Variants in CMSS1 observed in about 807,000 individuals in gnomAD.
CMSS1 encodes the protein protein CMSS1.
In CMSS1, 33 loss-of-function variants were observed where a neutral mutation model predicts 43.5. The ratio of observed to expected loss-of-function variants is 0.76; its 90% CI spans 0.57 to 1.01. The LOEUF is 1.01. CMSS1 is among the 50% of genes least tolerant of loss of function. The pLI is 0.00. For synonymous variants in CMSS1, 115 were observed against 117.2 expected, an observed-to-expected ratio of 0.98 and a Z score of 0.12; for missense variants, 313 against 326.4, an observed-to-expected ratio of 0.96 and a Z score of 0.32.
chr3:99,821,995 A>G (rs1942448053), intron 1 of CMSS1, among the ~76,000 whole-genome samples: 2 of 152,124 alleles, frequency 1.3e-5, no homozygotes, highest in Non-Finnish European at 2.9e-5. Flanking sequence ...GCGACGAGCC[A>G]AGATCGCACC....
intron 1 of CMSS1, among the ~76,000 whole-genome samples, chr3:99,875,482 T>C (rs1175240290): frequency 6.6e-6 from 1 of 152,220 alleles, no homozygotes; most frequent in Non-Finnish European, 1.5e-5. Flanking sequence ...CTATGATAGT[T>C]ACTTCCTTGT....
chr3:99,850,649 A>T (rs187751369), intron 1 of CMSS1: 1 of 1,613,814 alleles, frequency 6.2e-7, no homozygotes, highest in Non-Finnish European at 8.5e-7. Context: ...TTTCGTAAAG[A>T]CCTGTTTGTC....
chr3:99,832,633 A>G (rs1942718633), intron 1 of CMSS1, among the ~76,000 whole-genome samples: 1 of 144,748 alleles, frequency 6.9e-6, no homozygotes, highest in Admixed American at 6.8e-5. Context: ...ACTTGAGGTC[A>G]GGAGTTCGAG....
chr3:100,007,985 A>G (rs1710037036), intron 1 of CMSS1, among the ~76,000 whole-genome samples: 1 of 152,152 alleles, frequency 6.6e-6, no homozygotes, highest in Admixed American at 6.5e-5. Flanking sequence ...CTCCCTGGGA[A>G]TTATAGGTTA....
At chr3:100,122,916 T>A (rs1048051744) in intron 1 of CMSS1, among the ~76,000 whole-genome samples, 1 of 152,190 alleles carries the variant, frequency 6.6e-6, no homozygotes, top group Non-Finnish European at 1.5e-5. Context: ...TTACAAAAAA[T>A]TTATTATTTG....
At chr3:99,828,264 G>A (rs1413806490) in intron 1 of CMSS1, among the ~76,000 whole-genome samples, 1 of 151,886 alleles carries the variant, frequency 6.6e-6, no homozygotes, top group African/African-American at 2.4e-5. Flanking sequence ...TCATACCATT[G>A]CTATCTCTTA....
intron 1 of CMSS1, among the ~76,000 whole-genome samples, chr3:99,990,902 T>C (rs1418220499): frequency 6.6e-6 from 1 of 152,046 alleles, no homozygotes; most frequent in African/African-American, 2.4e-5. Flanking sequence ...AGAGAGCAAA[T>C]GAAAAAAGCA....
intron 1 of CMSS1, among the ~76,000 whole-genome samples, chr3:100,133,533 G>A (rs1178157562): frequency 6.6e-6 from 1 of 151,876 alleles, no homozygotes; most frequent in South Asian, 2.1e-4. Flanking sequence ...TGAAGGAAAA[G>A]GGTAAAAAAA....
chr3:99,955,167 G>A (rs2107693787), intron 1 of CMSS1, among the ~76,000 whole-genome samples: 1 of 152,266 alleles, frequency 6.6e-6, no homozygotes, highest in South Asian at 2.1e-4. Flanking sequence ...TTCTAGCAAT[G>A]GGGTGCTGTT....
intron 1 of CMSS1, among the ~76,000 whole-genome samples, chr3:100,067,833 C>T (rs563824557): frequency 6.6e-6 from 1 of 152,002 alleles, no homozygotes; most frequent in South Asian, 2.1e-4. Context: ...TAATGGCCAC[C>T]CAGGAGGACT....
At chr3:100,164,146 A>ACTC (rs1308170074) in intron 4 of CMSS1, among the ~76,000 whole-genome samples, 1 of 152,000 alleles carries the variant, frequency 6.6e-6, no homozygotes, top group Admixed American at 6.5e-5. Flanking sequence ...GTTATAATCC[A>ACTC]CTCTTCTCAG....
intron 6 of CMSS1, among the ~76,000 whole-genome samples, chr3:100,169,526 C>A (rs998881290): frequency 6.6e-6 from 1 of 152,242 alleles, no homozygotes; most frequent in Non-Finnish European, 1.5e-5. Context: ...TCTAAATGAA[C>A]TAATCTAATC....
chr3:100,049,673 T>G (rs906914215), intron 1 of CMSS1, among the ~76,000 whole-genome samples: 2 of 152,196 alleles, frequency 1.3e-5, no homozygotes, highest in African/African-American at 4.8e-5. Flanking sequence ...CCCTTCTTCC[T>G]CCTCCTTCTC....
intron 2 of CMSS1, among the ~76,000 whole-genome samples, chr3:100,154,969 CTG>C (rs2066957966): frequency 6.6e-6 from 1 of 152,176 alleles, no homozygotes. Flanking sequence ...GAGTAAGACT[CTG>C]TCTCAAAAAA....
chr3:100,040,388 T>A (rs1469287207), intron 1 of CMSS1: 1 of 152,212 alleles, frequency 6.6e-6, no homozygotes, highest in African/African-American at 2.4e-5. Flanking sequence ...ATCATTTGTA[T>A]AGTTCCAGAT....
Position 99,910,570 on chromosome 3 carries a change from A to G in CMSS1, c.64+92527A>G, listed in dbSNP as rs1045818422. 1.5e-5 allele frequency among the ~76,000 whole-genome samples: 2 copies of G among 136,694 alleles called. 1 individual carries two copies. The highest frequency in any genetic ancestry group is 1.6e-4 in the Admixed American group (2 of 12,828). The allele number at this position is 136,694 out of a possible 152,430, so 89.7% of individuals were successfully genotyped here. On this transcript the variant is annotated intron_variant, in intron 1 of 9. Coordinates refer to ENST00000421999, the MANE Select transcript of CMSS1 (RefSeq NM_032359.4). ...ACCCCTTACCACTTTCCAAGGAAAC[A>G]ATTTTTGTAGGTAACCTGGGGAGTA...
intron 1 of CMSS1, among the ~76,000 whole-genome samples, chr3:99,826,578 C>CCG (rs1241493928): frequency 6.6e-6 from 1 of 152,160 alleles, no homozygotes. Context: ...GGCCTGTGAA[C>CCG]CGCAGTTTGC....
intron 1 of CMSS1, among the ~76,000 whole-genome samples, chr3:99,829,292 T>C (rs908410598): frequency 2.0e-5 from 3 of 152,204 alleles, no homozygotes; most frequent in Non-Finnish European, 4.4e-5. Flanking sequence ...GTGTCAAACA[T>C]GCCTTGTCTT....
intron 1 of CMSS1, among the ~76,000 whole-genome samples, chr3:99,899,723 G>A (rs2107624828): frequency 1.3e-5 from 2 of 152,222 alleles, no homozygotes; most frequent in Admixed American, 1.3e-4. Flanking sequence ...TCCACCTTCA[G>A]GGCATCTTTT....
Sources: gnomAD v4.1 joint callset for allele counts (sites outside exome capture counted in the v4.1 genomes callset) on GRCh38, gnomAD v4.1.1 for gene constraint, MANE v1.5 for transcripts, NCBI Gene and HGNC (gene_info 2026-07-23, HGNC 2026-07-21) for gene names.